The following SETMAR variants were observed in gnomAD, a reference collection of about 807,000 sequenced individuals.
The protein encoded by SETMAR is histone-lysine N-methyltransferase SETMAR.
In SETMAR, 44 loss-of-function variants were observed where a neutral mutation model predicts 58.4. That is an observed-to-expected ratio of 0.75 (90% CI 0.59 to 0.97). The LOEUF is 0.97. SETMAR is among the 50% of genes least tolerant of loss of function. The pLI, the probability that SETMAR is intolerant of heterozygous loss-of-function variation, is 0.00. For missense variants in SETMAR, 903 were observed against 840.2 expected (o/e 1.07, Z -0.92); for synonymous variants, 332 against 307.4 (o/e 1.08, Z -0.84).
At chr3:4,304,973 G>A (rs991588388) in intron 1 of SETMAR, among the ~76,000 whole-genome samples, 5 of 151,362 alleles carry the variant, frequency 3.3e-5, no homozygotes, top group Non-Finnish European at 5.9e-5. Flanking sequence ...TCAAAGTGGT[G>A]GGGGGGGCTT....
In SETMAR at chr3:4,303,575, C is replaced by G. The variant is rs912397667; in HGVS notation, c.156+49C>G. ...GGGAGGCGGGCGCGCGGCTCCCCCA[C>G]GTGGTCTCCTCAAGCCGCCTCGCTG... is the stretch of plus-strand genomic sequence containing the variant. On this transcript the variant is annotated intron_variant, in intron 1 of 2. Coordinates refer to ENST00000358065, the MANE Select transcript of SETMAR (RefSeq NM_006515.4). The G allele has an allele frequency of 7.4e-6, 10 of 1,346,372 alleles. No homozygotes were observed. In the East Asian group the frequency reaches 3.2e-4, roughly 43 times the overall value. The allele number at this position is 1,346,372 out of a possible 1,614,324, so 83.4% of individuals were successfully genotyped here.
At position 4,303,513 on chromosome 3, in the gene SETMAR, C is replaced by T. The variant is rs1158157954; in HGVS notation, c.143C>T (p.Pro48Leu). The change falls in exon 1 of 3, where the codon CCG becomes CTG. Residue 48 changes from proline to leucine, a missense_variant. Coordinates refer to ENST00000358065, the MANE Select transcript of SETMAR (RefSeq NM_006515.4). ...GGCGCGTGGCCCCCGGGGGCCGCGC[C>T]GGCGCCCTTCCAGGTAGGGGCGGGG... is the stretch of plus-strand genomic sequence containing the variant. ...PVGAWPPGAA[P>L]APFQYTPDHV... is the part of the protein sequence containing the mutation. The T allele has an allele frequency of 2.8e-6, 4 of 1,435,556 alleles. No individual in the cohort carries two copies. The highest frequency in any genetic ancestry group is 3.0e-5 in the African/African-American group (2 of 65,858). 88.9% of individuals were successfully genotyped at this position (1,435,556 alleles called of 1,614,324 possible). A position where few individuals can be genotyped will look rare whatever the true frequency, so the allele number is the denominator to read the frequency against.
In SETMAR at chr3:4,317,085, A is replaced by G; in HGVS notation, c.1894A>G (p.Asn632Asp). 1 of 1,549,128 alleles carries G rather than the reference A, an allele frequency of 6.5e-7. No individual in the cohort carries two copies. Among genetic ancestry groups the G allele is most frequent in the South Asian group, 1.2e-5 (1 of 83,968 alleles). ...CTACCACGTCTTTAAGCATCTCAAC[A>G]ACTTTTTGCAGGGAAAACGCTTCCA... ...TNYHVFKHLN[N>D]FLQGKRFHNQ... is the part of the protein sequence containing the mutation. The change falls in exon 3 of 3, where the codon AAC becomes GAC. Residue 632 changes from asparagine (N) to aspartate (D), a missense_variant. Transcript: ENST00000358065.
At position 4,313,036 on chromosome 3, in the gene SETMAR, A is replaced by G; in HGVS notation, c.295A>G (p.Asn99Asp). The G allele has an allele frequency of 1.2e-6, 2 of 1,613,984 alleles. No homozygotes were observed. The highest frequency in any genetic ancestry group is 1.7e-6 in the Non-Finnish European group (2 of 1,179,930). The change falls in exon 2 of 3, where the codon AAC becomes GAC. Residue 99 changes from asparagine to aspartate, a missense_variant. Coordinates refer to ENST00000358065, the MANE Select transcript of SETMAR (RefSeq NM_006515.4). Reference sequence around the variant, plus strand: ...CCGCCATGGAGAGAACTATGATGATAACTCATGCCTTAGAGATATAGGATC... The same window carrying G: ...CCGCCATGGAGAGAACTATGATGATGACTCATGCCTTAGAGATATAGGATC... ...CLRHGENYDD[N>D]SCLRDIGSGG...
rs759674958 is a variant in SETMAR, at chr3:4,303,406, T to G, written c.36T>G (p.Cys12Trp). 7 of 1,558,630 alleles carry G rather than the reference T, an allele frequency of 4.5e-6. No individual in the cohort carries two copies. The South Asian group carries it at 8.4e-5, about 19-fold the overall frequency. ...AAGCGGCAAAGACGACACGGCCTTG[T>G]GGGATGGCGGAGTTTAAGGAGAAGC... Reference protein sequence around the residue: ...FAEAAKTTRPCGMAEFKEKPE... With the variant: ...FAEAAKTTRPWGMAEFKEKPE... The change falls in exon 1 of 3, where the codon TGT becomes TGG. Residue 12 changes from cysteine to tryptophan, a missense_variant. Transcript: ENST00000358065.
chr3:4,304,403 A>G (rs1698098069), intron 1 of SETMAR, among the ~76,000 whole-genome samples: 1 of 152,174 alleles, frequency 6.6e-6, no homozygotes. Flanking sequence ...CGGCCTCCCA[A>G]AATGCTGGGA....
intron 2 of SETMAR, among the ~76,000 whole-genome samples, chr3:4,314,737 C>G (rs1247788014): frequency 6.6e-6 from 1 of 152,160 alleles, no homozygotes. Context: ...CAGCAAACAT[C>G]TCTAACTACC....
Position 4,313,198 on chromosome 3 carries a change from C to T in SETMAR, c.457C>T (p.Leu153Phe). Residue 153 changes from leucine (L) to phenylalanine (F), a missense_variant, in exon 2 of 3, where the codon CTT (leucine) becomes TTT (phenylalanine). Leu to Phe is a conservative substitution (Grantham distance 22). Transcript: ENST00000358065. Reference protein sequence around the residue: ...VFKTHKKGWGLRTLEFIPKGR... With the variant: ...VFKTHKKGWGFRTLEFIPKGR... ...CAAGACGCATAAAAAAGGCTGGGGA[C>T]TTCGTACCTTGGAATTTATACCGAA... The T allele has an allele frequency of 3.1e-6, 5 of 1,613,950 alleles. No individual in the cohort carries two copies. The highest frequency in any genetic ancestry group is 1.3e-5 in the African/African-American group (1 of 75,032).
intron 1 of SETMAR, among the ~76,000 whole-genome samples, chr3:4,309,897 C>G (rs916697653): frequency 1.3e-5 from 2 of 152,160 alleles, no homozygotes; most frequent in African/African-American, 4.8e-5. Flanking sequence ...CTGAGAAATG[C>G]ATCATTAGAC....
intron 1 of SETMAR, among the ~76,000 whole-genome samples, chr3:4,307,960 C>G (rs1698255871): frequency 6.6e-6 from 1 of 152,016 alleles, no homozygotes; most frequent in South Asian, 2.1e-4. Context: ...GACCTTGAGC[C>G]CAGCAGTTGG....
Position 4,316,213 on chromosome 3 carries a change from C to T in SETMAR, c.1022C>T (p.Thr341Ile). 1.4e-6 allele frequency: 1 copy of T among 695,664 alleles called. No homozygotes were observed. Among genetic ancestry groups the T allele is most frequent in the Non-Finnish European group, 2.6e-6 (1 of 384,652 alleles). 43.1% of individuals were successfully genotyped at this position (695,664 alleles called of 1,614,324 possible). The change falls in exon 3 of 3, where the codon ACT becomes ATT. Residue 341 changes from threonine (T) to isoleucine (I), a missense_variant and splice_region_variant. By Grantham distance (89) the Thr-to-Ile change is moderately conservative. Transcript: ENST00000358065. The stretch of plus-strand genomic sequence containing the variant: ...ACTTGCTGTTTATGTTTATTTTAGA[C>T]TATGAAAATGATGTTAGACAAAAAG... Reference protein sequence around the residue: ...FPSCKRLTLETMKMMLDKKQI... With the variant: ...FPSCKRLTLEIMKMMLDKKQI...
rs1204238547 is a variant in SETMAR, at chr3:4,316,449, A to G, written c.1258A>G (p.Ile420Val). The change falls in exon 3 of 3, where the codon ATC (isoleucine) becomes GTC (valine). Residue 420 changes from isoleucine to valine, a missense_variant. Transcript: ENST00000358065. Reference sequence around the variant, plus strand: ...AGTTGACAACGACCAGTTGAGAGCAATCATCGAAGCTGATCCCCTTACAAC... The same window carrying G: ...AGTTGACAACGACCAGTTGAGAGCAGTCATCGAAGCTGATCCCCTTACAAC... ...SEVDNDQLRA[I>V]IEADPLTTTR... 5.0e-6 allele frequency: 8 copies of G among 1,602,434 alleles called. No individual in the cohort carries two copies. Among genetic ancestry groups the G allele is most frequent in the East Asian group, 2.3e-5 (1 of 44,392 alleles).
At chr3:4,316,115 C>A in intron 2 of SETMAR, 97 bp from the exon 3 acceptor site, 43 of 465,360 alleles carry the variant, frequency 9.2e-5, no homozygotes, top group Middle Eastern at 6.0e-4. Context: ...TATTGGAATA[C>A]ATTCTTAAAT....
rs1303345414 is a variant in SETMAR, at chr3:4,313,538, A to G, written c.797A>G (p.Tyr266Cys). ...EELSYDYSGR[Y>C]LNLTVSEDKE... ...CTCTCTTATGATTATTCAGGAAGAT[A>G]TCTTAATCTAACAGTCAGTGAAGAC... The change falls in exon 2 of 3, where the codon TAT (tyrosine) becomes TGT (cysteine). Residue 266 changes from tyrosine (Y) to cysteine (C), a missense_variant. Transcript: ENST00000358065. 1.9e-6 allele frequency: 3 copies of G among 1,613,954 alleles called. No individual in the cohort carries two copies. The highest frequency in any genetic ancestry group is 2.2e-5 in the South Asian group (2 of 91,082).
At chr3:4,308,438 A>G (rs1698277643) in intron 1 of SETMAR, among the ~76,000 whole-genome samples, 1 of 152,248 alleles carries the variant, frequency 6.6e-6, no homozygotes, top group Non-Finnish European at 1.5e-5. Context: ...CCAGAAACAT[A>G]TGTTGTTTTA....
intron 1 of SETMAR, among the ~76,000 whole-genome samples, chr3:4,309,421 C>A (rs1351949636): frequency 6.6e-6 from 1 of 152,152 alleles, no homozygotes; most frequent in African/African-American, 2.4e-5. Context: ...AGTACATTTT[C>A]TAGCCATTTC....
intron 1 of SETMAR, among the ~76,000 whole-genome samples, chr3:4,304,754 A>G (rs1698116468): frequency 6.6e-6 from 1 of 152,232 alleles, no homozygotes; most frequent in Non-Finnish European, 1.5e-5. Context: ...GATGTCAAGG[A>G]AAAGAATCAA....
intron 2 of SETMAR, among the ~76,000 whole-genome samples, chr3:4,315,100 G>A (rs1698583054): frequency 6.6e-6 from 1 of 152,104 alleles, no homozygotes; most frequent in African/African-American, 2.4e-5. Flanking sequence ...TGGTACTAGA[G>A]TACACATAAA....
intron 1 of SETMAR, among the ~76,000 whole-genome samples, chr3:4,310,042 C>T (rs567478484): frequency 1.0e-3 from 159 of 152,278 alleles, no homozygotes; most frequent in Middle Eastern, 0.01. Flanking sequence ...AATGTTGCTA[C>T]ACTGAATACT....
Sources: allele counts gnomAD v4.1 joint callset (sites outside exome capture counted in the v4.1 genomes callset), GRCh38; gene constraint gnomAD v4.1.1; transcripts MANE v1.5; gene names NCBI Gene and HGNC (gene_info 2026-07-23, HGNC 2026-07-21).